COX7B2: variants seen among roughly 807,000 people sequenced by gnomAD.
COX7B2 encodes the protein cytochrome c oxidase subunit 7B2, mitochondrial.
For missense variants in COX7B2, 109 were observed against 95.9 expected (o/e 1.14, Z -0.57); for synonymous variants, 37 against 32.1 (o/e 1.15, Z -0.51).
intron 1 of COX7B2, among the ~76,000 whole-genome samples, chr4:46,882,048 T>C (rs776112580): frequency 1.3e-5 from 2 of 152,200 alleles, no homozygotes; most frequent in Admixed American, 6.5e-5. Context: ...AATTTCATTA[T>C]TTACCCAAAA....
intron 2 of COX7B2, among the ~76,000 whole-genome samples, chr4:46,778,535 C>A (rs572785981): frequency 3.3e-5 from 5 of 151,968 alleles, no homozygotes; most frequent in Non-Finnish European, 5.9e-5. Context: ...AAATAAACAC[C>A]GTATATCAAA....
At chr4:46,871,712 C>CA (rs1486860639) in intron 1 of COX7B2, among the ~76,000 whole-genome samples, 1 of 150,424 alleles carries the variant, frequency 6.6e-6, no homozygotes, top group African/African-American at 2.4e-5. Flanking sequence ...TACATGTGGC[C>CA]AAACAACCAT....
At chr4:46,806,681 C>T (rs1008770355) in intron 2 of COX7B2, among the ~76,000 whole-genome samples, 1 of 152,046 alleles carries the variant, frequency 6.6e-6, no homozygotes, top group African/African-American at 2.4e-5. Flanking sequence ...TTACATCTCC[C>T]AGTTCCCACA....
chr4:46,907,569 G>A (rs1376778192), intron 1 of COX7B2, among the ~76,000 whole-genome samples: 5 of 151,986 alleles, frequency 3.3e-5, no homozygotes, highest in African/African-American at 7.2e-5. Flanking sequence ...TTACAAGAAG[G>A]GTTCCCATTG....
At chr4:46,894,157 A>C (rs928412004) in intron 1 of COX7B2, among the ~76,000 whole-genome samples, 16 of 152,214 alleles carry the variant, frequency 1.1e-4, no homozygotes, top group African/African-American at 3.6e-4. Context: ...GAACTAGAAA[A>C]AACCATTTAA....
At chr4:46,836,499 C>A (rs1029538309) in intron 2 of COX7B2, among the ~76,000 whole-genome samples, 5 of 151,792 alleles carry the variant, frequency 3.3e-5, no homozygotes, top group Admixed American at 3.3e-4. Flanking sequence ...GAAGCAGTAA[C>A]ACACATAGAG....
At chr4:46,822,153 C>T (rs867005507) in intron 2 of COX7B2, among the ~76,000 whole-genome samples, 1 of 152,112 alleles carries the variant, frequency 6.6e-6, no homozygotes, top group Admixed American at 6.6e-5. Flanking sequence ...CCTCGTGATC[C>T]GTCTGCCCCA....
At chr4:46,748,346 T>C (rs1305478060) in intron 2 of COX7B2, among the ~76,000 whole-genome samples, 1 of 152,222 alleles carries the variant, frequency 6.6e-6, no homozygotes, top group African/African-American at 2.4e-5. Context: ...AACATTATTT[T>C]ATTTAACTGA....
chr4:46,787,106 C>A (rs574280495), intron 2 of COX7B2, among the ~76,000 whole-genome samples: 1 of 152,270 alleles, frequency 6.6e-6, no homozygotes, highest in African/African-American at 2.4e-5. Flanking sequence ...TAAGGAATTT[C>A]CTAGCATCCT....
chr4:46,891,456 T>C (rs1268117398), intron 1 of COX7B2, among the ~76,000 whole-genome samples: 1 of 152,066 alleles, frequency 6.6e-6, no homozygotes, highest in Non-Finnish European at 1.5e-5. Flanking sequence ...GGAGCAGCAA[T>C]GAGGCAAGGA....
rs545431908 is a variant in COX7B2, at chr4:46,800,144, T to C, written c.-50+44816A>G. On this transcript the variant is annotated intron_variant, in intron 2 of 2. Transcript: ENST00000355591. Reference sequence around the variant, plus strand: ...TCAGGGATAACACAAACAGATGGTGTTTACATGCTCATAAATAGAATCAAT... The same window carrying C: ...TCAGGGATAACACAAACAGATGGTGCTTACATGCTCATAAATAGAATCAAT... 3.3e-5 allele frequency among the ~76,000 whole-genome samples: 5 copies of C among 152,120 alleles called. No homozygotes were observed. In the South Asian group the frequency reaches 1.0e-3, roughly 32 times the overall value.
At chr4:46,897,264 C>T (rs1012397683) in intron 1 of COX7B2, among the ~76,000 whole-genome samples, 6 of 152,142 alleles carry the variant, frequency 3.9e-5, no homozygotes, top group African/African-American at 1.4e-4. Flanking sequence ...GTTCCAACTC[C>T]TTTCTCCCCA....
chr4:46,833,857 A>G (rs2109735726), intron 2 of COX7B2, among the ~76,000 whole-genome samples: 1 of 152,328 alleles, frequency 6.6e-6, no homozygotes, highest in African/African-American at 2.4e-5. Flanking sequence ...GGTTGACAGA[A>G]ATGTTGTTGG....
rs575696531 is a variant in COX7B2, at chr4:46,800,211, C to T, written c.-50+44749G>A. ...TACTGCTCAAAGCAATTTACAGATTCGATGCTATTCATATCAAACTACCAA... is the reference window on the plus strand; with the variant it reads ...TACTGCTCAAAGCAATTTACAGATTTGATGCTATTCATATCAAACTACCAA... On this transcript the variant is annotated intron_variant, in intron 2 of 2. Transcript: ENST00000355591. Among the ~76,000 whole-genome samples the T allele has an allele frequency of 4.6e-5, 7 of 152,154 alleles. No homozygotes were observed. In the South Asian group the frequency reaches 6.2e-4, roughly 14 times the overall value.
chr4:46,880,965 C>T (rs1367405130), intron 1 of COX7B2, among the ~76,000 whole-genome samples: 3 of 130,754 alleles, frequency 2.3e-5, no homozygotes, highest in East Asian at 5.1e-4. Context: ...GCACAATGTG[C>T]ACATGTACCC....
chr4:46,805,261 A>G (rs554607149), intron 2 of COX7B2, among the ~76,000 whole-genome samples: 192 of 152,168 alleles, frequency 1.3e-3, no homozygotes, highest in African/African-American at 4.2e-3. Context: ...AGGCTGAAGG[A>G]CTCCTCAAGT....
intron 1 of COX7B2, among the ~76,000 whole-genome samples, chr4:46,881,405 G>A (rs1718732213): frequency 6.6e-6 from 1 of 152,184 alleles, no homozygotes; most frequent in Non-Finnish European, 1.5e-5. Flanking sequence ...TTTCTGATTA[G>A]CCTTTCCAAA....
intron 1 of COX7B2, among the ~76,000 whole-genome samples, chr4:46,855,931 A>C (rs1273998984): frequency 6.6e-6 from 1 of 152,172 alleles, no homozygotes; most frequent in Non-Finnish European, 1.5e-5. Context: ...TTTAATAATA[A>C]GACAAATTAA....
intron 1 of COX7B2, among the ~76,000 whole-genome samples, chr4:46,897,223 G>A (rs1416790726): frequency 6.6e-6 from 1 of 152,084 alleles, no homozygotes; most frequent in Non-Finnish European, 1.5e-5. Context: ...CACAGGCTCT[G>A]TCATGAACTG....
Sources: gnomAD v4.1 joint callset for allele counts (sites outside exome capture counted in the v4.1 genomes callset) on GRCh38, gnomAD v4.1.1 for gene constraint, MANE v1.5 for transcripts, NCBI Gene and HGNC (gene_info 2026-07-23, HGNC 2026-07-21) for gene names.